The following PCDHGA2 variants were observed in gnomAD, a reference collection of about 807,000 sequenced individuals.
The protein encoded by PCDHGA2 is protocadherin gamma-A2.
PCDHGA2 carries 40 observed loss-of-function variants against 59.2 expected under a neutral mutation model. The observed-to-expected ratio is 0.68, with a 90% CI of 0.52 to 0.88. PCDHGA2 has a LOEUF of 0.88. Ranked by LOEUF, PCDHGA2 falls within the 40% of genes least tolerant of loss-of-function variation. PCDHGA2 has a pLI of 0.00. For missense variants in PCDHGA2, 1,226 were observed against 1,204.0 expected (o/e 1.02, Z -0.27); for synonymous variants, 560 against 526.0 (o/e 1.06, Z -0.89).
Position 141,491,739 on chromosome 5 carries a change from C to A in PCDHGA2, c.2425-3068C>A, listed in dbSNP as rs372183034. ...CGCCGCCCCGGGCGACCCCTGGGGG[C>A]GGCACTGGAGAAGCCGCCCGTCCTC... On this transcript the variant is annotated intron_variant, in intron 1 of 3. Transcript: ENST00000394576. The surrounding 1 kb of genome is among the most constrained non-coding windows in gnomAD (Gnocchi z 6.9). 2 of 1,598,886 alleles carry A rather than the reference C, an allele frequency of 1.3e-6. No individual in the cohort carries two copies. The highest frequency in any genetic ancestry group is 1.3e-5 in the African/African-American group (1 of 74,290).
At chr5:141,488,691 G>A (rs1443084778) in intron 1 of PCDHGA2, among the ~76,000 whole-genome samples, 2 of 152,192 alleles carry the variant, frequency 1.3e-5, no homozygotes, top group Non-Finnish European at 2.9e-5. Flanking sequence ...CTCCCAGAAG[G>A]ACAAGATTTT....
chr5:141,355,770 G>C, intron 1 of PCDHGA2: 1 of 1,613,888 alleles, frequency 6.2e-7, no homozygotes. Flanking sequence ...ATGGGATTAA[G>C]TACCCAGAGC....
intron 1 of PCDHGA2, among the ~76,000 whole-genome samples, chr5:141,462,678 T>G (rs923728894): frequency 1.3e-5 from 2 of 152,210 alleles, no homozygotes; most frequent in South Asian, 4.1e-4. Flanking sequence ...TTCTTTAAAT[T>G]TTTGAGCACA....
chr5:141,341,567 A>G, intron 1 of PCDHGA2, 172 bp downstream of exon 1: 1 of 1,293,048 alleles, frequency 7.7e-7, no homozygotes, highest in Non-Finnish European at 1.0e-6. Context: ...AGGCTGTAAG[A>G]GGAAGAAGAG....
chr5:141,349,025 C>T lies in PCDHGA2; in HGVS notation c.2424+7630C>T, dbSNP rs142730364. ...TATTTACCAGTGGTCAAGTCAAACT[C>T]GTTTTGCTCATTAATGGTATAAGTC... On this transcript the variant is annotated intron_variant, in intron 1 of 3. Transcript: ENST00000394576. Among the ~76,000 whole-genome samples, 374 of 152,196 alleles carry T rather than the reference C, an allele frequency of 2.5e-3. 1 individual carries two copies. Among genetic ancestry groups the T allele is most frequent in the African/African-American group, 8.4e-3 (350 of 41,502 alleles).
intron 1 of PCDHGA2, among the ~76,000 whole-genome samples, chr5:141,472,994 A>AAAAG (rs1425445230): frequency 1.3e-5 from 2 of 151,692 alleles, no homozygotes; most frequent in Non-Finnish European, 2.9e-5. Context: ...AAAAAAAAAA[A>AAAAG]AAAGAAAGAA....
At chr5:141,427,683 G>A (rs761750638) in intron 1 of PCDHGA2, 3 of 836,052 alleles carry the variant, frequency 3.6e-6, no homozygotes, top group South Asian at 2.8e-5. Flanking sequence ...CCTTCCCGGA[G>A]CCTCCATCCC....
intron 1 of PCDHGA2, among the ~76,000 whole-genome samples, chr5:141,470,430 T>C (rs994304635): frequency 6.6e-6 from 1 of 152,232 alleles, no homozygotes; most frequent in Non-Finnish European, 1.5e-5. Flanking sequence ...TTTCCTTGTG[T>C]GCAATAATTT....
chr5:141,374,949 C>T (rs1770969144), intron 1 of PCDHGA2: 1 of 1,614,022 alleles, frequency 6.2e-7, no homozygotes, highest in African/African-American at 1.3e-5. Context: ...GAAAAGATCT[C>T]ACAAATTTTC....
chr5:141,339,405 C>G lies in PCDHGA2; in HGVS notation c.434C>G (p.Thr145Ser). 6.2e-7 allele frequency: 1 copy of G among 1,614,212 alleles called. No homozygotes were observed. Among genetic ancestry groups the G allele is most frequent in the Non-Finnish European group, 8.5e-7 (1 of 1,180,032 alleles). The change falls in exon 1 of 4, where the codon ACC (threonine) becomes AGC (serine). Residue 145 changes from threonine (T) to serine (S), a missense_variant. Physicochemically the swap from Thr to Ser is moderately conservative, Grantham distance 58. Transcript: ENST00000394576. ...GAACTGGAGCTAAAAATCAGTGAAA[C>G]CACTACGCCAGGATTCCGGATTCCT... is the stretch of plus-strand genomic sequence containing the variant. ...VEELELKISE[T>S]TTPGFRIPLK...
rs1005709757 is a variant in PCDHGA2 at position 141,495,051 on chromosome 5, A to G, written c.2483+186A>G. Among the ~76,000 whole-genome samples, 3 of 152,042 alleles carry G rather than the reference A, an allele frequency of 2.0e-5. No homozygotes were observed. In the East Asian group the frequency reaches 5.8e-4, roughly 29 times the overall value. On this transcript the variant is annotated intron_variant, in intron 2 of 3. Transcript: ENST00000394576. ...CCGGAAGGAAGAGGCGACTGCCCTG[A>G]CTGTTCAGGAAGCTCAATTCACATG... is the stretch of plus-strand genomic sequence containing the variant.
At chr5:141,390,003 C>T in intron 1 of PCDHGA2, 1 of 1,614,056 alleles carries the variant, frequency 6.2e-7, no homozygotes, top group Non-Finnish European at 8.5e-7. Flanking sequence ...GGCCATGATT[C>T]TGGCCATTGC....
At chr5:141,342,424 T>C (rs1441546556) in intron 1 of PCDHGA2, 1 of 152,234 alleles carries the variant, frequency 6.6e-6, no homozygotes, top group Non-Finnish European at 1.5e-5. Context: ...ACTAATGTTC[T>C]ATGTAACTGG....
rs202113404 is a variant in PCDHGA2, at chr5:141,414,779, A to G, written c.2424+73384A>G. The G allele has an allele frequency of 4.2e-4, 674 of 1,614,210 alleles. No homozygotes were observed. Among genetic ancestry groups the G allele is most frequent in the Admixed American group, 6.0e-4 (36 of 60,022 alleles). On this transcript the variant is annotated intron_variant, in intron 1 of 3. Transcript: ENST00000394576. ...GAGCAGTTTCATGAGCTACAGATGCAGGTGACAGCCAGCGACAGCGGGGAT... is the reference window on the plus strand; with the variant it reads ...GAGCAGTTTCATGAGCTACAGATGCGGGTGACAGCCAGCGACAGCGGGGAT...
chr5:141,464,898 C>T (rs969877255), intron 1 of PCDHGA2, among the ~76,000 whole-genome samples: 4 of 151,958 alleles, frequency 2.6e-5, no homozygotes, highest in African/African-American at 4.8e-5. Flanking sequence ...GCCACCATGT[C>T]CAGCTAATTT....
rs1464563296 is a variant in PCDHGA2 at position 141,343,919 on chromosome 5, C to A, written c.2424+2524C>A. The A allele has an allele frequency of 8.4e-6, 8 of 951,198 alleles. No homozygotes were observed. In the South Asian group the frequency reaches 1.7e-4, roughly 20 times the overall value. 58.9% of individuals were successfully genotyped at this position (951,198 alleles called of 1,614,324 possible). ...CCAACCTCACCTCTTAGTCAACCAG[C>A]TGTTTGACCTGTGAATTAGGCCCGT... is the stretch of plus-strand genomic sequence containing the variant. On this transcript the variant is annotated intron_variant, in intron 1 of 3. Coordinates refer to ENST00000394576, the MANE Select transcript of PCDHGA2 (RefSeq NM_018915.4).
chr5:141,382,899 T>A, intron 1 of PCDHGA2: 1 of 1,541,826 alleles, frequency 6.5e-7, no homozygotes. Context: ...GCAGGACGAC[T>A]ATGGCGGCTC....
Position 141,344,473 on chromosome 5 carries a change from T to C in PCDHGA2, c.2424+3078T>C. The C allele has an allele frequency of 6.2e-7, 1 of 1,613,960 alleles. No homozygotes were observed. The highest frequency in any genetic ancestry group is 8.5e-7 in the Non-Finnish European group (1 of 1,179,860). ...GAAATAAAAATTGGTGAACTAACGGTTCCTGGAACCCGATTTCCAATTAAA... is the reference window on the plus strand; with the variant it reads ...GAAATAAAAATTGGTGAACTAACGGCTCCTGGAACCCGATTTCCAATTAAA... On this transcript the variant is annotated intron_variant, in intron 1 of 3. Transcript: ENST00000394576.
At chr5:141,425,021 CT>C (rs1561817318) in intron 1 of PCDHGA2, among the ~76,000 whole-genome samples, 1 of 152,054 alleles carries the variant, frequency 6.6e-6, no homozygotes, top group Non-Finnish European at 1.5e-5. Context: ...AGGAATTTAC[CT>C]TATGTCATTA....
Sources: allele counts gnomAD v4.1 joint callset (sites outside exome capture counted in the v4.1 genomes callset), GRCh38; gene constraint gnomAD v4.1.1; non-coding constraint Gnocchi (gnomAD v3.1); transcripts MANE v1.5; gene names NCBI Gene and HGNC (gene_info 2026-07-23, HGNC 2026-07-21).